The following SGTA variants were observed in gnomAD, a reference collection of about 807,000 sequenced individuals.
The protein encoded by SGTA is small glutamine-rich tetratricopeptide repeat-containing protein alpha.
A neutral mutation model predicts 44.3 loss-of-function variants in SGTA; 22 were observed. The ratio of observed to expected loss-of-function variants is 0.50; its 90% CI spans 0.36 to 0.71. The LOEUF (loss-of-function observed/expected upper bound fraction) is 0.71. Among genes scored for constraint, SGTA ranks in the 30% least tolerant of loss-of-function variants. The pLI, the probability that SGTA is intolerant of heterozygous loss-of-function variation, is 0.00. For missense variants in SGTA, 341 were observed against 435.9 expected (o/e 0.78, Z 1.94); for synonymous variants, 174 against 177.6 (o/e 0.98, Z 0.16).
At chr19:2,762,458 A>G (rs1305745843) in intron 7 of SGTA, 48 bp downstream of exon 7, 2 of 1,550,080 alleles carry the variant, frequency 1.3e-6, no homozygotes, top group African/African-American at 2.7e-5. Context: ...TCCCCCACCC[A>G]CACAGTCAGC....
chr19:2,767,483 G>A lies in SGTA; in HGVS notation c.207+97C>T. 1 of 1,016,146 alleles carries A rather than the reference G, an allele frequency of 9.8e-7. No individual in the cohort carries two copies. The highest frequency in any genetic ancestry group is 1.5e-6 in the Non-Finnish European group (1 of 659,438). The allele number at this position is 1,016,146 out of a possible 1,614,324, so 62.9% of individuals were successfully genotyped here. On this transcript the variant is annotated intron_variant, in intron 3 of 11. Transcript: ENST00000221566. This position sits in a 1 kb window ranked among gnomAD's most constrained non-coding sequence, Gnocchi z 7.3. ...CAGGAGAGGATGCAGGCAGAGTGCT[G>A]GGGGACGATGAGAGCGGGGCTCCTG...
At chr19:2,774,383 C>T (rs1365093700) in intron 1 of SGTA, among the ~76,000 whole-genome samples, 1 of 152,224 alleles carries the variant, frequency 6.6e-6, no homozygotes, top group Non-Finnish European at 1.5e-5. Flanking sequence ...AGGGAGGGAG[C>T]AGCTGCGCGT....
At chr19:2,762,924 C>G (rs746906770) in intron 6 of SGTA, among the ~76,000 whole-genome samples, 1 of 152,182 alleles carries the variant, frequency 6.6e-6, no homozygotes, top group Non-Finnish European at 1.5e-5. Flanking sequence ...GAGGAGGGAG[C>G]GGGCCAGCTC....
Position 2,757,787 on chromosome 19 carries a change from A to C in SGTA, c.738-5T>G. The C allele has an allele frequency of 5.1e-6, 8 of 1,581,008 alleles. No homozygotes were observed. The highest frequency in any genetic ancestry group is 6.9e-6 in the Non-Finnish European group (8 of 1,163,956). On this transcript the variant is annotated splice_region_variant and splice_polypyrimidine_tract_variant and intron_variant, in intron 9 of 11. Transcript: ENST00000221566. ...CCCGAAATCATGCCGGACATGCTGC[A>C]GGAGAGAGCGCGTGACTCGCAGCCG...
chr19:2,765,349 G>A lies in SGTA; in HGVS notation c.293-64C>T. The A allele has an allele frequency of 1.6e-6, 2 of 1,256,086 alleles. No homozygotes were observed. Among genetic ancestry groups the A allele is most frequent in the Non-Finnish European group, 2.3e-6 (2 of 871,988 alleles). The allele number at this position is 1,256,086 out of a possible 1,614,324, so 77.8% of individuals were successfully genotyped here. A position where few individuals can be genotyped will look rare whatever the true frequency, so the allele number is the denominator to read the frequency against. On this transcript the variant is annotated intron_variant, in intron 4 of 11. Coordinates refer to ENST00000221566, the MANE Select transcript of SGTA (RefSeq NM_003021.4). The surrounding 1 kb of genome is among the most constrained non-coding windows in gnomAD (Gnocchi z 5.5). The stretch of plus-strand genomic sequence containing the variant: ...CAGACCGGAGGGGGTGTCAGGGAGA[G>A]AGGAAAACACCGGCCTGGTGTCCAC...
Position 2,761,007 on chromosome 19 carries a change from G to A in SGTA, c.699+453C>T, listed in dbSNP as rs1227606791. Among the ~76,000 whole-genome samples the A allele has an allele frequency of 6.6e-6, 1 of 152,244 alleles. No individual in the cohort carries two copies. The highest frequency in any genetic ancestry group is 1.5e-5 in the Non-Finnish European group (1 of 68,042). On this transcript the variant is annotated intron_variant, in intron 8 of 11. Coordinates refer to ENST00000221566, the MANE Select transcript of SGTA (RefSeq NM_003021.4). The surrounding 1 kb of genome is among the most constrained non-coding windows in gnomAD (Gnocchi z 5.7). Reference sequence around the variant, plus strand: ...TCCCTTTGGAAGCATGAGTGCCCGGGCATCGGGAGGTCCACCTGCGCCCGG... The same window carrying A: ...TCCCTTTGGAAGCATGAGTGCCCGGACATCGGGAGGTCCACCTGCGCCCGG...
At chr19:2,768,210 C>T (rs1459801566) in intron 2 of SGTA, among the ~76,000 whole-genome samples, 1 of 152,122 alleles carries the variant, frequency 6.6e-6, no homozygotes, top group Admixed American at 6.5e-5. Context: ...AGACTCAGCA[C>T]CCAGGGGGCC....
chr19:2,774,429 C>T (rs1007313697), intron 1 of SGTA, among the ~76,000 whole-genome samples: 3 of 152,140 alleles, frequency 2.0e-5, no homozygotes, highest in Admixed American at 6.5e-5. Context: ...GCCAGCTGCC[C>T]GAGGGGCAGC....
chr19:2,767,627 G>A lies in SGTA; in HGVS notation c.160C>T (p.Leu54Phe). 2 of 1,613,716 alleles carry A rather than the reference G, an allele frequency of 1.2e-6. No individual in the cohort carries two copies. The highest frequency in any genetic ancestry group is 2.7e-5 in the African/African-American group (2 of 75,056). ...AATATCTCCGGCAGAGTCTGAGGGA[G>A]CGCAAGGTCACTGTCTTCTACCGTC... ...GVTVEDSDLALPQTLPEIFEA... is the reference protein window; with the variant it reads ...GVTVEDSDLAFPQTLPEIFEA... The change falls in exon 3 of 12, where the codon CTC becomes TTC. Residue 54 changes from leucine to phenylalanine, a missense_variant. By Grantham distance (22) the Leu-to-Phe change is conservative. Coordinates refer to ENST00000221566, the MANE Select transcript of SGTA (RefSeq NM_003021.4). The surrounding 1 kb of genome is among the most constrained non-coding windows in gnomAD (Gnocchi z 7.3).
chr19:2,763,118 G>A lies in SGTA; in HGVS notation c.498-474C>T, dbSNP rs2144724781. ...GCCCCTACAGAGCCCAGGAGGAGGC[G>A]GGTCCTGGGGAGACTGGGCAGTTGA... On this transcript the variant is annotated intron_variant, in intron 6 of 11. Transcript: ENST00000221566. The surrounding 1 kb of genome is among the most constrained non-coding windows in gnomAD (Gnocchi z 5.8). Among the ~76,000 whole-genome samples the A allele has an allele frequency of 6.6e-6, 1 of 152,270 alleles. No homozygotes were observed. Among genetic ancestry groups the A allele is most frequent in the East Asian group, 1.9e-4 (1 of 5,158 alleles).
rs963808442 is a variant in SGTA, at chr19:2,761,767, G to A, written c.637-245C>T. 6.8e-6 allele frequency among the ~76,000 whole-genome samples: 1 copy of A among 146,862 alleles called. No homozygotes were observed. The highest frequency in any genetic ancestry group is 6.7e-5 in the Admixed American group (1 of 14,818). On this transcript the variant is annotated intron_variant, in intron 7 of 11. Transcript: ENST00000221566. This position sits in a 1 kb window ranked among gnomAD's most constrained non-coding sequence, Gnocchi z 5.7. ...CGGGGACGGCACAGTCTATCATCCC[G>A]TGTTTATTCCCCGCACAGCGCGACC... is the stretch of plus-strand genomic sequence containing the variant.
chr19:2,757,543 C>T (rs757178193), intron 10 of SGTA, 86 bp from the exon 11 acceptor site: 14 of 1,538,064 alleles, frequency 9.1e-6, no homozygotes, highest in Non-Finnish European at 1.2e-5. Context: ...CTCGGGCCCT[C>T]CACCCCAAAG....
chr19:2,776,914 G>C (rs1472027329), intron 1 of SGTA, among the ~76,000 whole-genome samples: 1 of 151,632 alleles, frequency 6.6e-6, no homozygotes, highest in Non-Finnish European at 1.5e-5. Context: ...AGTGAGCTGC[G>C]ATAGAGCCAC....
At chr19:2,769,936 C>T (rs1286521428) in intron 1 of SGTA, among the ~76,000 whole-genome samples, 1 of 129,234 alleles carries the variant, frequency 7.7e-6, no homozygotes, top group African/African-American at 3.0e-5. Flanking sequence ...ACCGGACACC[C>T]GCCTGGTTCC....
chr19:2,759,670 T>C (rs765177161), intron 8 of SGTA: 32 of 233,906 alleles, frequency 1.4e-4, no homozygotes, highest in Non-Finnish European at 2.5e-4. Flanking sequence ...TATCAATAAA[T>C]AGCACTGTGG....
chr19:2,779,417 C>T (rs1011886038), intron 1 of SGTA, among the ~76,000 whole-genome samples: 2 of 152,138 alleles, frequency 1.3e-5, no homozygotes, highest in African/African-American at 4.8e-5. Flanking sequence ...CAGGCTTTCC[C>T]GTAAGAAAGT....
At position 2,767,060 on chromosome 19, in the gene SGTA, T is replaced by C; in HGVS notation, c.292+76A>G. The C allele has an allele frequency of 9.4e-7, 1 of 1,066,308 alleles. No homozygotes were observed. The highest frequency in any genetic ancestry group is 1.3e-5 in the South Asian group (1 of 74,648). 66.1% of individuals were successfully genotyped at this position (1,066,308 alleles called of 1,614,324 possible). On this transcript the variant is annotated intron_variant, in intron 4 of 11. Coordinates refer to ENST00000221566, the MANE Select transcript of SGTA (RefSeq NM_003021.4). The surrounding 1 kb of genome is among the most constrained non-coding windows in gnomAD (Gnocchi z 7.3). ...AGCTCCCTGGGCCCCAGGGACCAGCTGGCCTCTGCGAGGGTCCCACAGCCC... is the reference window on the plus strand; with the variant it reads ...AGCTCCCTGGGCCCCAGGGACCAGCCGGCCTCTGCGAGGGTCCCACAGCCC...
rs917533296 is a variant in SGTA at position 2,763,172 on chromosome 19, A to C, written c.497+481T>G. 3.9e-5 allele frequency among the ~76,000 whole-genome samples: 6 copies of C among 152,040 alleles called. No individual in the cohort carries two copies. The highest frequency in any genetic ancestry group is 2.6e-4 in the Admixed American group (4 of 15,272). ...GGGCCCCTCCCCAGCCTCTGGGGAG[A>C]CCCAATCCCACAAACTCTGAGCAAG... On this transcript the variant is annotated intron_variant, in intron 6 of 11. Coordinates refer to ENST00000221566, the MANE Select transcript of SGTA (RefSeq NM_003021.4). The surrounding 1 kb of genome is among the most constrained non-coding windows in gnomAD (Gnocchi z 5.8).
rs759583312 is a variant in SGTA at position 2,765,175 on chromosome 19, T to C, written c.392+11A>G. 6.2e-7 allele frequency: 1 copy of C among 1,609,982 alleles called. No homozygotes were observed. The highest frequency in any genetic ancestry group is 2.2e-5 in the East Asian group (1 of 44,860). On this transcript the variant is annotated intron_variant, in intron 5 of 11. Transcript: ENST00000221566. The surrounding 1 kb of genome is among the most constrained non-coding windows in gnomAD (Gnocchi z 5.5). ...GGCCGCCCCTGCCCTGGGCAGGCCC[T>C]GAGCTGGTACCTGTTGCAGAAATAG...
Sources: allele counts gnomAD v4.1 joint callset (sites outside exome capture counted in the v4.1 genomes callset), GRCh38; gene constraint gnomAD v4.1.1; non-coding constraint Gnocchi (gnomAD v3.1); transcripts MANE v1.5; gene names NCBI Gene and HGNC (gene_info 2026-07-23, HGNC 2026-07-21).